The following MGAM variants were observed in gnomAD, a reference collection of about 807,000 sequenced individuals.
The protein encoded by MGAM is maltase-glucoamylase.
Under a neutral mutation model 358.8 loss-of-function variants are expected in MGAM, and 253 were observed. The observed-to-expected ratio is 0.71, with a 90% CI of 0.64 to 0.78. MGAM has a LOEUF of 0.78. Ranked by LOEUF, MGAM falls within the 30% of genes least tolerant of loss-of-function variation. The pLI is 0.00. For synonymous variants in MGAM, 1,105 were observed against 1,227.1 expected, an observed-to-expected ratio of 0.90 and a Z score of 2.08; for missense variants, 3,080 against 3,432.6, an observed-to-expected ratio of 0.90 and a Z score of 2.57.
chr7:142,077,513 T>C (rs1813844481), intron 47 of MGAM, among the ~76,000 whole-genome samples: 1 of 145,794 alleles, frequency 6.9e-6, no homozygotes. Flanking sequence ...GAAAAATATA[T>C]GGAAAATATT....
At chr7:142,011,545 G>T (rs896879809) in intron 3 of MGAM, among the ~76,000 whole-genome samples, 2 of 152,148 alleles carry the variant, frequency 1.3e-5, no homozygotes, top group Non-Finnish European at 2.9e-5. Flanking sequence ...GGATGTAAGG[G>T]GAGCCAGGTT....
At position 142,027,095 on chromosome 7, in the gene MGAM, T is replaced by G; in HGVS notation, c.983-20T>G. 1 of 1,564,694 alleles carries G rather than the reference T, an allele frequency of 6.4e-7. No individual in the cohort carries two copies. The highest frequency in any genetic ancestry group is 8.8e-7 in the Non-Finnish European group (1 of 1,136,736). On this transcript the variant is annotated intron_variant, in intron 8 of 70. Coordinates refer to ENST00000475668, the MANE Select transcript of MGAM (RefSeq NM_001365693.1). ...AGAATCAATTCTGATTTTTATTTTC[T>G]TCATTTTTAACCTTTCAAGAGGTTG...
intron 7 of MGAM, among the ~76,000 whole-genome samples, chr7:142,023,913 G>A (rs1211689727): frequency 1.3e-5 from 2 of 152,150 alleles, no homozygotes; most frequent in African/African-American, 4.8e-5. Context: ...TGGGCTTTCA[G>A]TCCCTTCTTC....
chr7:142,046,107 T>C (rs1585001664), intron 21 of MGAM, among the ~76,000 whole-genome samples: 1 of 140,030 alleles, frequency 7.1e-6, no homozygotes, highest in African/African-American at 2.8e-5. Flanking sequence ...TATATTTATT[T>C]TTATATTTAT....
chr7:142,050,218 C>T lies in MGAM; in HGVS notation c.2588-17C>T. On this transcript the variant is annotated splice_polypyrimidine_tract_variant and intron_variant, in intron 22 of 70. Coordinates refer to ENST00000475668, the MANE Select transcript of MGAM (RefSeq NM_001365693.1). ...GTGGGCAGGCCAGAATCTGACTTGT[C>T]TTTCTCTCACTTTCAGATACTGTGG... 1 of 1,613,554 alleles carries T rather than the reference C, an allele frequency of 6.2e-7. No individual in the cohort carries two copies. The highest frequency in any genetic ancestry group is 8.5e-7 in the Non-Finnish European group (1 of 1,179,570).
rs1416085600 is a variant in MGAM, at chr7:142,053,002, A to C, written c.3159+18A>C. On this transcript the variant is annotated intron_variant, in intron 26 of 70. Coordinates refer to ENST00000475668, the MANE Select transcript of MGAM (RefSeq NM_001365693.1). ...AGTTCAAGGTAAACACAGTACATGT[A>C]TCAGGTAGTGATTAGACCCTTTTCA... The C allele has an allele frequency of 1.2e-6, 2 of 1,611,306 alleles. No homozygotes were observed. The highest frequency in any genetic ancestry group is 1.7e-6 in the Non-Finnish European group (2 of 1,177,770).
In MGAM at chr7:142,059,514, G is replaced by A. The variant is rs1171584655; in HGVS notation, c.3862G>A (p.Asp1288Asn). 2 of 1,612,788 alleles carry A rather than the reference G, an allele frequency of 1.2e-6. No homozygotes were observed. Among genetic ancestry groups the A allele is most frequent in the Non-Finnish European group, 1.7e-6 (2 of 1,179,026 alleles). The stretch of plus-strand genomic sequence containing the variant: ...CATCGACTACATGGAGCGGCAGCTG[G>A]ACTTCACCCTCAGCCCCAAGTTTGC... ...SDIDYMERQL[D>N]FTLSPKFAGF... The change falls in exon 32 of 71, where the codon GAC (aspartate) becomes AAC (asparagine). Residue 1288 changes from aspartate to asparagine, a missense_variant. Coordinates refer to ENST00000475668, the MANE Select transcript of MGAM (RefSeq NM_001365693.1).
At chr7:142,083,463 G>A in intron 53 of MGAM, 50 bp downstream of exon 53, 1 of 1,303,188 alleles carries the variant, frequency 7.7e-7, no homozygotes, top group South Asian at 1.3e-5. Context: ...CACATTCTGG[G>A]TGCCAGAGCC....
At chr7:142,103,573 A>G (rs1816613871) in intron 70 of MGAM, 134 bp downstream of exon 70, 1 of 805,326 alleles carries the variant, frequency 1.2e-6, no homozygotes, top group African/African-American at 1.8e-5. Flanking sequence ...TCCATGTGTT[A>G]GGAATGGACC....
intron 43 of MGAM, among the ~76,000 whole-genome samples, chr7:142,070,773 A>G (rs981558574): frequency 7.5e-5 from 11 of 146,282 alleles, no homozygotes; most frequent in East Asian, 4.0e-4. Context: ...TGTAGTTTGT[A>G]TGGTGGAAGC....
intron 54 of MGAM, 30 bp downstream of exon 54, chr7:142,084,674 G>C (rs58939253): frequency 0.083 from 128,351 of 1,544,128 alleles, 25,837 homozygotes; most frequent in African/African-American, 0.48. Context: ...TCTGGAGTTT[G>C]AAAACTAACC....
At chr7:141,992,238 G>T (rs1354414839), upstream of MGAM, among the ~76,000 whole-genome samples, 2 of 152,154 alleles carry the variant, frequency 1.3e-5, no homozygotes, top group African/African-American at 4.8e-5. Context: ...TTGATAGGTA[G>T]TATTTTAATC....
At position 142,018,939 on chromosome 7, in the gene MGAM, G is replaced by GT. The variant is rs374796072; in HGVS notation, c.328-249dup. On this transcript the variant is annotated intron_variant, in intron 3 of 70. Transcript: ENST00000475668. ...TTAGACTATTTAAATATATTTATGA[G>GT]TTTTTTTTTTTGTGATAAAAGTTAT... Among the ~76,000 whole-genome samples the GT allele has an allele frequency of 5.1e-3, 750 of 146,040 alleles. 3 individuals are homozygous for GT. The highest frequency in any genetic ancestry group is 6.1e-3 in the African/African-American group (244 of 40,316).
At chr7:142,098,717 C>T (rs552587855) in intron 66 of MGAM, among the ~76,000 whole-genome samples, 12 of 152,232 alleles carry the variant, frequency 7.9e-5, no homozygotes, top group South Asian at 6.2e-4. Flanking sequence ...GCTTTCTTTA[C>T]GTGAGACTGG....
intron 7 of MGAM, 61 bp from the exon 8 acceptor site, chr7:142,024,989 C>A: frequency 8.1e-7 from 1 of 1,227,134 alleles, no homozygotes; most frequent in Non-Finnish European, 1.2e-6. Context: ...TAAACCAACC[C>A]CACAGTGTGA....
chr7:142,087,087 C>A (rs1416869721), intron 57 of MGAM, among the ~76,000 whole-genome samples: 1 of 137,706 alleles, frequency 7.3e-6, no homozygotes, highest in Non-Finnish European at 1.7e-5. Context: ...GTATACTTAA[C>A]TGTTGTTGCC....
rs571086394 is a variant in MGAM at position 142,068,532 on chromosome 7, A to G, written c.5005-115A>G. ...GCCCCAGTTGTTAACCTCTTGGGACATGAGGCAGCTGGGTCCAAAGCCATC... is the reference window on the plus strand; with the variant it reads ...GCCCCAGTTGTTAACCTCTTGGGACGTGAGGCAGCTGGGTCCAAAGCCATC... On this transcript the variant is annotated intron_variant, in intron 42 of 70. Coordinates refer to ENST00000475668, the MANE Select transcript of MGAM (RefSeq NM_001365693.1). 182 of 835,390 alleles carry G rather than the reference A, an allele frequency of 2.2e-4. 24 individuals are homozygous for G. In the Middle Eastern group the frequency reaches 2.7e-3, roughly 12 times the overall value. The allele number at this position is 835,390 out of a possible 1,614,324, so 51.7% of individuals were successfully genotyped here. A position where few individuals can be genotyped will look rare whatever the true frequency, so the allele number is the denominator to read the frequency against.
intron 41 of MGAM, 74 bp from the exon 42 acceptor site, chr7:142,067,267 C>G (rs1238299177): frequency 6.2e-6 from 7 of 1,133,722 alleles, no homozygotes; most frequent in Admixed American, 5.8e-5. Flanking sequence ...TGGATCTGAA[C>G]TTGAGGAGCT....
chr7:142,026,402 A>G (rs970820585), intron 8 of MGAM, among the ~76,000 whole-genome samples: 3 of 152,156 alleles, frequency 2.0e-5, no homozygotes, highest in African/African-American at 7.2e-5. Flanking sequence ...ACTGGCAAAA[A>G]GGTAGATTAG....
Sources: allele counts gnomAD v4.1 joint callset (sites outside exome capture counted in the v4.1 genomes callset), GRCh38; gene constraint gnomAD v4.1.1; transcripts MANE v1.5; gene names NCBI Gene and HGNC (gene_info 2026-07-23, HGNC 2026-07-21).